Variants in FBXL17 observed in about 807,000 individuals in gnomAD.
FBXL17 encodes F-box/LRR-repeat protein 17.
Under a neutral mutation model 66.2 loss-of-function variants are expected in FBXL17, and 22 were observed. That is an observed-to-expected ratio of 0.33 (90% CI 0.24 to 0.47). The LOEUF (loss-of-function observed/expected upper bound fraction) is 0.47. FBXL17 is among the 20% of genes least tolerant of loss of function. FBXL17 has a pLI of 1.00. For missense variants in FBXL17, 878 were observed against 948.2 expected, an observed-to-expected ratio of 0.93 and a Z score of 0.97; for synonymous variants, 474 against 400.5, an observed-to-expected ratio of 1.18 and a Z score of -2.19.
chr5:107,871,054 C>G (rs566543515), intron 8 of FBXL17, among the ~76,000 whole-genome samples: 32 of 24,844 alleles, frequency 1.3e-3, no homozygotes, highest in African/African-American at 5.7e-3. Context: ...TACTCTTGGG[C>G]GGCAAAAAAA....
At chr5:108,257,884 T>C (rs751047110) in intron 4 of FBXL17, among the ~76,000 whole-genome samples, 2 of 152,156 alleles carry the variant, frequency 1.3e-5, no homozygotes, top group Non-Finnish European at 2.9e-5. Context: ...ACGTTGTGTA[T>C]GCTTTGTTAA....
chr5:107,865,724 C>T (rs1029472553), intron 8 of FBXL17, among the ~76,000 whole-genome samples: 2 of 152,132 alleles, frequency 1.3e-5, no homozygotes, highest in Non-Finnish European at 2.9e-5. Context: ...CATTTTAGAG[C>T]TCTGTTGCGT....
In FBXL17 at chr5:107,918,555, T is replaced by C. The variant is rs146090420; in HGVS notation, c.1823-37376A>G. ...GCCAAACAATTTCTGAATACTAAAA[T>C]ATGGAACAAGAATATGGATAAGTTT... On this transcript the variant is annotated intron_variant, in intron 7 of 8. Coordinates refer to ENST00000542267, the MANE Select transcript of FBXL17 (RefSeq NM_001163315.3). 5.3e-5 allele frequency among the ~76,000 whole-genome samples: 8 copies of C among 152,284 alleles called. No homozygotes were observed. The East Asian group carries it at 5.8e-4, about 11-fold the overall frequency.
At chr5:108,341,566 AATAG>A (rs1175560872) in intron 4 of FBXL17, among the ~76,000 whole-genome samples, 1 of 152,174 alleles carries the variant, frequency 6.6e-6, no homozygotes, top group African/African-American at 2.4e-5. Context: ...AATTTCTCAA[AATAG>A]ATAAATAAAA....
rs1035857536 is a variant in FBXL17 at position 107,860,124 on chromosome 5, G to A, written c.*1596C>T. The A allele has an allele frequency of 6.6e-6, 1 of 152,128 alleles. No individual in the cohort carries two copies. The highest frequency in any genetic ancestry group is 1.5e-5 in the Non-Finnish European group (1 of 67,976). 9.4% of individuals were successfully genotyped at this position (152,128 alleles called of 1,614,324 possible). A position where few individuals can be genotyped will look rare whatever the true frequency, so the allele number is the denominator to read the frequency against. On this transcript the variant is annotated 3_prime_UTR_variant, in exon 9 of 9. Transcript: ENST00000542267. Reference sequence around the variant, plus strand: ...GTTGACATAATCAAAGGAAACAGTTGTTTACAAAAAAAGAGAATCATTAGA... The same window carrying A: ...GTTGACATAATCAAAGGAAACAGTTATTTACAAAAAAAGAGAATCATTAGA...
chr5:108,163,899 G>A (rs563646068), intron 6 of FBXL17, among the ~76,000 whole-genome samples: 1 of 152,278 alleles, frequency 6.6e-6, no homozygotes, highest in Non-Finnish European at 1.5e-5. Context: ...GAAAAATAAA[G>A]TCTTTATTGG....
At chr5:108,353,754 G>C (rs1456073575) in intron 3 of FBXL17, among the ~76,000 whole-genome samples, 1 of 152,012 alleles carries the variant, frequency 6.6e-6, no homozygotes, top group Non-Finnish European at 1.5e-5. Context: ...GCCCACCTAA[G>C]GGTAAGGGGA....
In FBXL17 at chr5:108,121,438, T is replaced by C. The variant is rs527572184; in HGVS notation, c.1745+64679A>G. Among the ~76,000 whole-genome samples, 17 of 152,262 alleles carry C rather than the reference T, an allele frequency of 1.1e-4. No individual in the cohort carries two copies. The South Asian group carries it at 3.1e-3, about 28-fold the overall frequency. On this transcript the variant is annotated intron_variant, in intron 6 of 8. Coordinates refer to ENST00000542267, the MANE Select transcript of FBXL17 (RefSeq NM_001163315.3). ...TCTACACACAAAGTCTTGACAAAAA[T>C]GTAAAGCAAGGAGGAAAATCTTTCT...
At chr5:108,057,976 G>C (rs1410776075) in intron 6 of FBXL17, among the ~76,000 whole-genome samples, 2 of 152,182 alleles carry the variant, frequency 1.3e-5, no homozygotes, top group Non-Finnish European at 2.9e-5. Flanking sequence ...TTGAGTTAGA[G>C]AGAACTTAAG....
At chr5:108,069,958 G>C (rs545595144) in intron 6 of FBXL17, among the ~76,000 whole-genome samples, 3 of 152,216 alleles carry the variant, frequency 2.0e-5, no homozygotes, top group East Asian at 1.9e-4. Context: ...GTCTTACAAA[G>C]AGAATTACCT....
At chr5:107,938,359 C>CA (rs1447587867) in intron 7 of FBXL17, among the ~76,000 whole-genome samples, 2 of 151,336 alleles carry the variant, frequency 1.3e-5, no homozygotes, top group Admixed American at 1.3e-4. Flanking sequence ...CGGGGTAGCT[C>CA]ATACTGAGAA....
At chr5:108,063,817 G>A (rs893564847) in intron 6 of FBXL17, among the ~76,000 whole-genome samples, 3 of 151,684 alleles carry the variant, frequency 2.0e-5, no homozygotes, top group Non-Finnish European at 4.4e-5. Context: ...TATCTTTCTT[G>A]TTTTTTGTTT....
intron 8 of FBXL17, among the ~76,000 whole-genome samples, chr5:107,873,965 A>C (rs1748535510): frequency 6.6e-6 from 1 of 152,152 alleles, no homozygotes; most frequent in African/African-American, 2.4e-5. Context: ...GCAAAACATA[A>C]GCAGCTACTT....
chr5:108,083,242 CACACACACAGAG>C (rs1453963968), intron 6 of FBXL17, among the ~76,000 whole-genome samples: 1 of 138,770 alleles, frequency 7.2e-6, no homozygotes, highest in African/African-American at 2.9e-5. Context: ...CACACACACA[CACACACACAGAG>C]AGAGAGATAG....
intron 6 of FBXL17, among the ~76,000 whole-genome samples, chr5:108,099,068 T>A (rs1304220638): frequency 6.6e-6 from 1 of 152,164 alleles, no homozygotes; most frequent in Non-Finnish European, 1.5e-5. Context: ...TACTTTATAT[T>A]CCCATTGCCT....
intron 6 of FBXL17, among the ~76,000 whole-genome samples, chr5:108,108,041 A>T (rs1749879606): frequency 6.6e-6 from 1 of 151,964 alleles, no homozygotes. Flanking sequence ...TTTGTTTCTC[A>T]AACACACTAG....
chr5:108,175,712 C>A (rs1307988116), intron 6 of FBXL17, among the ~76,000 whole-genome samples: 1 of 152,152 alleles, frequency 6.6e-6, no homozygotes, highest in African/African-American at 2.4e-5. Flanking sequence ...ATAGCCCAGA[C>A]ACTTGCATGT....
chr5:108,171,330 T>C (rs1002963648), intron 6 of FBXL17, among the ~76,000 whole-genome samples: 4 of 152,172 alleles, frequency 2.6e-5, no homozygotes, highest in African/African-American at 9.7e-5. Flanking sequence ...TGGAGGCAGT[T>C]TAACAGCTAG....
intron 6 of FBXL17, among the ~76,000 whole-genome samples, chr5:108,056,037 T>A (rs979926694): frequency 1.3e-5 from 2 of 150,132 alleles, no homozygotes; most frequent in Admixed American, 6.7e-5. Context: ...AGAGGTAGCT[T>A]TCTAAAACTA....
Sources: gnomAD v4.1 joint callset for allele counts (sites outside exome capture counted in the v4.1 genomes callset) on GRCh38, gnomAD v4.1.1 for gene constraint, MANE v1.5 for transcripts, NCBI Gene and HGNC (gene_info 2026-07-23, HGNC 2026-07-21) for gene names.